LRBA: variants seen among roughly 807,000 people sequenced by gnomAD.
LRBA encodes LPS responsive beige-like anchor protein.
LRBA carries 176 observed loss-of-function variants against 330.0 expected under a neutral mutation model. That is an observed-to-expected ratio of 0.53 (90% CI 0.47 to 0.60). LRBA has a LOEUF of 0.60. LRBA is among the 20% of genes least tolerant of loss of function. The probability of loss-of-function intolerance (pLI) is 0.00; values close to 1 mark genes in which losing one functional copy is unlikely to be tolerated. For synonymous variants in LRBA, 1,230 were observed against 1,193.0 expected (o/e 1.03, Z -0.64); for missense variants, 3,259 against 3,444.8 (o/e 0.95, Z 1.35).
intron 17 of LRBA, among the ~76,000 whole-genome samples, chr4:150,880,053 G>A (rs773372242): frequency 6.6e-6 from 1 of 152,082 alleles, no homozygotes; most frequent in Non-Finnish European, 1.5e-5. Flanking sequence ...AGACACATGT[G>A]TCAATGGAAC....
intron 30 of LRBA, among the ~76,000 whole-genome samples, chr4:150,825,920 A>C (rs1746196869): frequency 6.6e-6 from 1 of 152,186 alleles, no homozygotes; most frequent in Non-Finnish European, 1.5e-5. Context: ...GAACTATTGT[A>C]AAGAAAAGGA....
chr4:150,432,397 T>C (rs944490941), intron 46 of LRBA, among the ~76,000 whole-genome samples: 1 of 151,068 alleles, frequency 6.6e-6, no homozygotes, highest in African/African-American at 2.4e-5. Context: ...AAATATGTGA[T>C]AGCTGAATGA....
Position 150,817,158 on chromosome 4 carries a change from T to G in LRBA, c.5271A>C (p.Ser1757=). ...NAVSVVSSVD[S]AQASDMGGES... Reference sequence around the variant, plus strand: ...CTCCTCCCATATCTGAGGCTTGGGCTGAATCTACTGAGGAAACCACACTGA... The same window carrying G: ...CTCCTCCCATATCTGAGGCTTGGGCGGAATCTACTGAGGAAACCACACTGA... The change falls in exon 31 of 57, where the codon TCA becomes TCC. Residue 1757 remains serine (S), a synonymous_variant. Coordinates refer to ENST00000651943, the MANE Select transcript of LRBA (RefSeq NM_001364905.1). 2 of 1,612,162 alleles carry G rather than the reference T, an allele frequency of 1.2e-6. No individual in the cohort carries two copies. The highest frequency in any genetic ancestry group is 1.7e-5 in the Admixed American group (1 of 59,888).
intron 40 of LRBA, among the ~76,000 whole-genome samples, chr4:150,504,456 A>C (rs911788555): frequency 1.3e-5 from 2 of 152,386 alleles, no homozygotes; most frequent in African/African-American, 4.8e-5. Context: ...CTTAAAGAAA[A>C]GAATTTTCAA....
At chr4:150,561,919 A>G (rs1364810677) in intron 40 of LRBA, among the ~76,000 whole-genome samples, 1 of 152,132 alleles carries the variant, frequency 6.6e-6, no homozygotes, top group African/African-American at 2.4e-5. Context: ...ATAGATTCCC[A>G]CATCTATGCT....
intron 37 of LRBA, among the ~76,000 whole-genome samples, chr4:150,670,056 A>G (rs1781917091): frequency 6.6e-6 from 1 of 152,142 alleles, no homozygotes; most frequent in Admixed American, 6.5e-5. Flanking sequence ...TATGAAGTTA[A>G]TATGTTTCCT....
At chr4:150,598,469 T>C (rs898217053) in intron 38 of LRBA, among the ~76,000 whole-genome samples, 3 of 152,220 alleles carry the variant, frequency 2.0e-5, no homozygotes, top group Non-Finnish European at 4.4e-5. Context: ...TAGGAACGTA[T>C]GAAAATAATG....
intron 55 of LRBA, among the ~76,000 whole-genome samples, chr4:150,281,638 C>A (rs1475421093): frequency 6.6e-6 from 1 of 152,134 alleles, no homozygotes; most frequent in Non-Finnish European, 1.5e-5. Context: ...CTCCTGCCCC[C>A]AACATGTCCT....
intron 56 of LRBA, among the ~76,000 whole-genome samples, chr4:150,266,616 C>CA (rs1158738048): frequency 6.6e-5 from 10 of 150,944 alleles, no homozygotes; most frequent in South Asian, 2.1e-4. Flanking sequence ...TGTGTCACTA[C>CA]AAAAAAAATC....
chr4:150,701,390 T>A (rs886373168), intron 36 of LRBA, among the ~76,000 whole-genome samples: 4 of 152,174 alleles, frequency 2.6e-5, no homozygotes, highest in African/African-American at 9.7e-5. Flanking sequence ...TCGTTTAATA[T>A]CATTACCAAG....
At position 150,900,098 on chromosome 4, in the gene LRBA, G is replaced by C; in HGVS notation, c.1875C>G (p.Tyr625Ter). Residue 625 changes from tyrosine to a stop codon, truncating the protein, a stop_gained, in exon 14 of 57, where the codon TAC becomes TAG. Coordinates refer to ENST00000651943, the MANE Select transcript of LRBA (RefSeq NM_001364905.1). LOFTEE classifies it high-confidence loss of function. ...LLIMHTLKYY[Y>*]WAVNPQDRSG... ...TTCGATCCTGAGGATTCACTGCCCA[G>C]TAGTAGTACTTCAGCGTGTGCATGA... 6.2e-7 allele frequency: 1 copy of C among 1,613,500 alleles called. No individual in the cohort carries two copies. The highest frequency in any genetic ancestry group is 8.5e-7 in the Non-Finnish European group (1 of 1,179,498).
Position 150,928,546 on chromosome 4 carries a change from G to A in LRBA, c.519C>T (p.Phe173=). 6.2e-7 allele frequency: 1 copy of A among 1,613,668 alleles called. No individual in the cohort carries two copies. Among genetic ancestry groups the A allele is most frequent in the Non-Finnish European group, 8.5e-7 (1 of 1,179,782 alleles). The part of the protein sequence containing the change: ...NLTVRELKLF[F]SKLQGDKGRW... Reference sequence around the variant, plus strand: ...GTCCTTTATCTCCTTGAAGTTTACTGAAGAAAAGCTTTAGCTCGCGAACTG... The same window carrying A: ...GTCCTTTATCTCCTTGAAGTTTACTAAAGAAAAGCTTTAGCTCGCGAACTG... The change falls in exon 4 of 57, where the codon TTC becomes TTT. Residue 173 remains phenylalanine, a synonymous_variant. Transcript: ENST00000651943.
At position 150,295,194 on chromosome 4, in the gene LRBA, CTTTTTTT is replaced by C. The variant is rs146893381; in HGVS notation, c.8017+7424_8017+7430del. On this transcript the variant is annotated intron_variant, in intron 53 of 56. Transcript: ENST00000651943. Reference sequence around the variant, plus strand: ...TGGTGCATTCCCCAAATTAAAATAGCTTTTTTTTTTTTTTTTTTTTTTTTTAAGACAG... The same window carrying C: ...TGGTGCATTCCCCAAATTAAAATAGCTTTTTTTTTTTTTTTTTTAAGACAG... 3.3e-3 allele frequency among the ~76,000 whole-genome samples: 370 copies of C among 113,808 alleles called. 5 individuals are homozygous for C. Among genetic ancestry groups the C allele is most frequent in the African/African-American group, 0.011 (315 of 28,564 alleles). 74.7% of individuals were successfully genotyped at this position (113,808 alleles called of 152,430 possible).
chr4:150,707,977 C>T lies in LRBA; in HGVS notation c.5755-24260G>A, dbSNP rs138183759. On this transcript the variant is annotated intron_variant, in intron 36 of 56. Transcript: ENST00000651943. ...CAATAAATACAAAAATTACCTATGA[C>T]ATCAAGTAAAAGAAAATAAGTCCTT... Among the ~76,000 whole-genome samples, 51 of 151,798 alleles carry T rather than the reference C, an allele frequency of 3.4e-4. No individual in the cohort carries two copies. The East Asian group carries it at 7.1e-3, about 21-fold the overall frequency.
intron 37 of LRBA, among the ~76,000 whole-genome samples, chr4:150,609,546 AG>A (rs1775015770): frequency 6.6e-6 from 1 of 152,194 alleles, no homozygotes; most frequent in Non-Finnish European, 1.5e-5. Context: ...AATCTAGTGA[AG>A]TCAGGAAGTT....
chr4:150,770,569 TTATA>T (rs560905379), intron 34 of LRBA, among the ~76,000 whole-genome samples: 7 of 91,432 alleles, frequency 7.7e-5, no homozygotes, highest in African/African-American at 2.8e-4. Context: ...AACAAAGATT[TTATA>T]TATATATATA....
At chr4:150,445,377 CTATATATATATA>C (rs10552819) in intron 44 of LRBA, among the ~76,000 whole-genome samples, 103 of 78,614 alleles carry the variant, frequency 1.3e-3, no homozygotes, top group African/African-American at 3.1e-3. Context: ...CTCTCTCTCT[CTATATATATATA>C]TATATATATA....
rs561301051 is a variant in LRBA at position 150,976,766 on chromosome 4, C to T, written c.216+37661G>A. ...AGACAGTCTTGAATTGCTATTCCCCCCAAAAGCAGCTGTGTGTCATGGAGC... is the reference window on the plus strand; with the variant it reads ...AGACAGTCTTGAATTGCTATTCCCCTCAAAAGCAGCTGTGTGTCATGGAGC... On this transcript the variant is annotated intron_variant, in intron 2 of 56. Transcript: ENST00000651943. Among the ~76,000 whole-genome samples, 32 of 152,294 alleles carry T rather than the reference C, an allele frequency of 2.1e-4. No homozygotes were observed. The East Asian group carries it at 2.9e-3, about 14-fold the overall frequency.
chr4:151,008,988 A>AAAAAATAT (rs1554018903), intron 2 of LRBA, among the ~76,000 whole-genome samples: 2 of 5,534 alleles, frequency 3.6e-4, no homozygotes, highest in African/African-American at 9.3e-4. Flanking sequence ...AAAAAAAAAA[A>AAAAAATAT]ATATATATAT....
Sources: allele counts gnomAD v4.1 joint callset (sites outside exome capture counted in the v4.1 genomes callset), GRCh38; gene constraint gnomAD v4.1.1; transcripts MANE v1.5; gene names NCBI Gene and HGNC (gene_info 2026-07-23, HGNC 2026-07-21).